The following SLC2A7 variants were observed in gnomAD, a reference collection of about 807,000 sequenced individuals.
SLC2A7 encodes the protein solute carrier family 2, facilitated glucose transporter member 7.
Under a neutral mutation model 50.5 loss-of-function variants are expected in SLC2A7, and 50 were observed. The ratio of observed to expected loss-of-function variants is 0.99; its 90% confidence interval spans 0.79 to 1.25. The LOEUF (loss-of-function observed/expected upper bound fraction) is 1.25. Ranked by LOEUF, SLC2A7 falls within the 50% of genes most tolerant of loss-of-function variation. The probability of loss-of-function intolerance (pLI) is 0.00; values close to 1 mark genes in which losing one functional copy is unlikely to be tolerated. For missense variants in SLC2A7, 683 were observed against 679.1 expected, an observed-to-expected ratio of 1.01 and a Z score of -0.06; for synonymous variants, 308 against 300.4, an observed-to-expected ratio of 1.03 and a Z score of -0.26.
At chr1:9,011,298 A>G (rs879943705) in intron 8 of SLC2A7, among the ~76,000 whole-genome samples, 8 of 152,224 alleles carry the variant, frequency 5.3e-5, no homozygotes, top group Non-Finnish European at 8.8e-5. Context: ...TCTTTCCAGC[A>G]GTAGCCACCT....
intron 10 of SLC2A7, 43 bp downstream of exon 10, chr1:9,007,267 T>C: frequency 6.2e-7 from 1 of 1,604,470 alleles, no homozygotes; most frequent in South Asian, 1.1e-5. Context: ...GGCCCAGGAA[T>C]GGACCAGGAT....
chr1:9,007,237 C>T (rs183505286), intron 10 of SLC2A7, 73 bp downstream of exon 10: 602 of 1,536,732 alleles, frequency 3.9e-4, no homozygotes, highest in Middle Eastern at 6.8e-4. Context: ...AAATATGTGT[C>T]GAGCACTGAC....
chr1:9,025,112 T>C, intron 1 of SLC2A7, 38 bp from the exon 2 acceptor site: 1 of 1,603,970 alleles, frequency 6.2e-7, no homozygotes, highest in Non-Finnish European at 8.5e-7. Context: ...CGCTGTGGGC[T>C]TGGGCCTCGG....
intron 3 of SLC2A7, among the ~76,000 whole-genome samples, chr1:9,021,052 G>A (rs747774718): frequency 7.2e-5 from 11 of 152,094 alleles, no homozygotes; most frequent in Non-Finnish European, 1.5e-4. Context: ...GCCTAGTCTC[G>A]GGTATGTCTT....
downstream of SLC2A7, among the ~76,000 whole-genome samples, chr1:9,002,721 CT>C (rs1303735057): frequency 6.6e-6 from 1 of 152,236 alleles, no homozygotes; most frequent in Non-Finnish European, 1.5e-5. Context: ...TTTCTCTATA[CT>C]TTGTCTCTGT....
Position 9,015,198 on chromosome 1 carries a change from G to A in SLC2A7, c.634C>T (p.Gln212Ter), listed in dbSNP as rs867204527. The A allele has an allele frequency of 3.1e-6, 5 of 1,609,994 alleles. No individual in the cohort carries two copies. The Middle Eastern group carries it at 6.8e-4, about 218-fold the overall frequency. ...GGGAAGAAGGGCAGGGTCAGCAGCT[G>A]CAGCAGGGCGGGCACCCCTGTGAGC... is the stretch of plus-strand genomic sequence containing the variant. Reference protein sequence around the residue: ...LALTGVPALLQLLTLPFFPES... With the variant: ...LALTGVPALL Residue 212 changes from glutamine to a stop codon, truncating the protein, a stop_gained, in exon 6 of 12, where the codon CAG (glutamine) becomes TAG (stop). Transcript: ENST00000400906. LOFTEE classifies it high-confidence loss of function.
chr1:9,010,329 C>G, intron 8 of SLC2A7, 85 bp from the exon 9 acceptor site: 8 of 1,019,464 alleles, frequency 7.8e-6, no homozygotes, highest in African/African-American at 1.6e-5. Flanking sequence ...TTTTGTGGGC[C>G]CCTCTTAGGT....
intron 8 of SLC2A7, among the ~76,000 whole-genome samples, chr1:9,010,518 C>T (rs996848982): frequency 1.1e-4 from 16 of 152,168 alleles, no homozygotes; most frequent in African/African-American, 3.1e-4. Context: ...CCACCATGCC[C>T]GGCTAAGTTT....
At chr1:9,011,727 TCTA>T in intron 8 of SLC2A7, among the ~76,000 whole-genome samples, 1 of 149,976 alleles carries the variant, frequency 6.7e-6, no homozygotes, top group Non-Finnish European at 1.5e-5. Context: ...TCCTTCCTTT[TCTA>T]CTTCTTCTTC....
Position 9,014,692 on chromosome 1 carries a change from C to T in SLC2A7, c.892G>A (p.Gly298Ser). The T allele has an allele frequency of 6.4e-7, 1 of 1,557,218 alleles. No individual in the cohort carries two copies. ...IVLMAGQQLSGINAINYYADT... is the reference protein window; with the variant it reads ...IVLMAGQQLSSINAINYYADT... ...ACCGTCCCACATACCGCATTGATGC[C>T]CGACAGCTGCTGGCCGGCCATGAGC... Residue 298 changes from glycine (G) to serine (S), a missense_variant, in exon 7 of 12, where the codon GGC becomes AGC. By Grantham distance (56) the Gly-to-Ser change is moderately conservative. Transcript: ENST00000400906.
At chr1:8,996,815 C>T in the SLC2A7 span, among the ~76,000 whole-genome samples, 1 of 151,670 alleles carries the variant, frequency 6.6e-6, no homozygotes, top group Non-Finnish European at 1.5e-5. Context: ...GAGTTTCGCT[C>T]TTGTTGCTGG....
In SLC2A7 at chr1:9,003,185, TG is replaced by T. The variant is rs1640599582; in HGVS notation, c.*114del. 1 of 834,476 alleles carries T rather than the reference TG, an allele frequency of 1.2e-6. No individual in the cohort carries two copies. Among genetic ancestry groups the T allele is most frequent in the Non-Finnish European group, 1.9e-6 (1 of 531,400 alleles). The allele number at this position is 834,476 out of a possible 1,614,324, so 51.7% of individuals were successfully genotyped here. A position where few individuals can be genotyped will look rare whatever the true frequency, so the allele number is the denominator to read the frequency against. ...TAATAATATCCATAATTAAGTTAAA[TG>T]GGGGCAACGACAAAAGCCTCCGTGC... On this transcript the variant is annotated 3_prime_UTR_variant, in exon 12 of 12. Coordinates refer to ENST00000400906, the MANE Select transcript of SLC2A7 (RefSeq NM_207420.3).
intron 1 of SLC2A7, among the ~76,000 whole-genome samples, chr1:9,025,641 G>A (rs911117018): frequency 3.3e-5 from 5 of 152,160 alleles, no homozygotes; most frequent in Non-Finnish European, 7.3e-5. Context: ...ATCCCAGACA[G>A]AGGGACTCAT....
rs1339062169 is a variant in SLC2A7 at position 9,013,583 on chromosome 1, T to C, written c.956A>G (p.His319Arg). The C allele has an allele frequency of 1.9e-6, 3 of 1,613,942 alleles. No homozygotes were observed. The highest frequency in any genetic ancestry group is 2.5e-6 in the Non-Finnish European group (3 of 1,179,972). ...AGAGCCCACCGTTACATATTGGGAG[T>C]GAGCGGCCTCCACGCCCGCAGATGT... Reference protein sequence around the residue: ...IYTSAGVEAAHSQYVTVGSGV... With the variant: ...IYTSAGVEAARSQYVTVGSGV... Residue 319 changes from histidine to arginine, a missense_variant, in exon 8 of 12, where the codon CAC becomes CGC. By Grantham distance (29) the His-to-Arg change is conservative. Transcript: ENST00000400906.
intron 2 of SLC2A7, among the ~76,000 whole-genome samples, chr1:9,024,433 T>C (rs954163189): frequency 2.6e-5 from 4 of 152,204 alleles, no homozygotes; most frequent in Admixed American, 2.0e-4. Flanking sequence ...AGCGTAAGCA[T>C]AGACGTATAC....
intron 11 of SLC2A7, 79 bp from the exon 12 acceptor site, chr1:9,003,597 C>T (rs938480298): frequency 7.7e-7 from 1 of 1,300,280 alleles, no homozygotes; most frequent in Non-Finnish European, 1.1e-6. Context: ...TTGGCTCATG[C>T]CTGTAATCCC....
At chr1:9,005,781 C>CAA (rs75636224) in intron 10 of SLC2A7, among the ~76,000 whole-genome samples, 1,022 of 42,558 alleles carry the variant, frequency 0.024, 23 homozygotes, top group African/African-American at 0.066. Context: ...GACTCCAACT[C>CAA]AAAAAAAAAA....
chr1:9,011,577 G>A (rs939414998), intron 8 of SLC2A7, among the ~76,000 whole-genome samples: 6 of 151,878 alleles, frequency 4.0e-5, no homozygotes, highest in African/African-American at 1.2e-4. Flanking sequence ...GAGGCCATCT[G>A]GAATCTGGGC....
chr1:8,999,353 C>T (rs1640546212), downstream of SLC2A7, among the ~76,000 whole-genome samples: 1 of 152,050 alleles, frequency 6.6e-6, no homozygotes, highest in Non-Finnish European at 1.5e-5. Flanking sequence ...TCAAGGAGTT[C>T]GTCCATTTCA....
Sources: gnomAD v4.1 joint callset for allele counts (sites outside exome capture counted in the v4.1 genomes callset) on GRCh38, gnomAD v4.1.1 for gene constraint, MANE v1.5 for transcripts, NCBI Gene and HGNC (gene_info 2026-07-23, HGNC 2026-07-21) for gene names.